The following GALNT13 variants were observed in gnomAD, a reference collection of about 807,000 sequenced individuals.
The protein encoded by GALNT13 is polypeptide N-acetylgalactosaminyltransferase 13, also known as UDP-GalNAc:polypeptide N-acetylgalactosaminyltransferase 13.
GALNT13 carries 28 observed loss-of-function variants against 64.2 expected under a neutral mutation model. The observed-to-expected ratio is 0.44, with a 90% confidence interval of 0.32 to 0.60. The LOEUF (loss-of-function observed/expected upper bound fraction) is 0.60, where lower values mean the gene tolerates loss of function less well. GALNT13 is among the 20% of genes least tolerant of loss of function. The probability of loss-of-function intolerance (pLI) is 0.05; values close to 1 mark genes in which losing one functional copy is unlikely to be tolerated. For missense variants in GALNT13, 577 were observed against 669.8 expected (o/e 0.86, Z 1.53); for synonymous variants, 214 against 224.6 (o/e 0.95, Z 0.42).
chr2:153,852,545 A>C, the GALNT13 span, among the ~76,000 whole-genome samples: 1 of 152,368 alleles, frequency 6.6e-6, no homozygotes, highest in South Asian at 2.1e-4. Flanking sequence ...GAAATAGACA[A>C]ATTTACAAAT....
the GALNT13 span, among the ~76,000 whole-genome samples, chr2:153,807,887 T>C: frequency 6.6e-6 from 1 of 152,128 alleles, no homozygotes; most frequent in African/African-American, 2.4e-5. Context: ...AGGAATTCAG[T>C]TTTAGGCATG....
chr2:153,155,267 A>C, the GALNT13 span, among the ~76,000 whole-genome samples: 10 of 151,792 alleles, frequency 6.6e-5, no homozygotes, highest in Non-Finnish European at 1.2e-4. Flanking sequence ...GTCCCTCCTC[A>C]ATTCTTTGGA....
the GALNT13 span, among the ~76,000 whole-genome samples, chr2:153,630,811 T>TATTTATTA: frequency 3.9e-5 from 1 of 25,842 alleles, no homozygotes; most frequent in Non-Finnish European, 8.1e-5. Flanking sequence ...ATATATATTT[T>TATTTATTA]TTTTTTTTTT....
At chr2:153,119,939 C>G in the GALNT13 span, among the ~76,000 whole-genome samples, 1 of 152,082 alleles carries the variant, frequency 6.6e-6, no homozygotes, top group Non-Finnish European at 1.5e-5. Context: ...TTTATATGCC[C>G]TACATATCCA....
At chr2:153,096,506 C>G in the GALNT13 span, among the ~76,000 whole-genome samples, 1 of 152,230 alleles carries the variant, frequency 6.6e-6, no homozygotes, top group Admixed American at 6.5e-5. Flanking sequence ...CTATTTCTCT[C>G]TTTAGCTCTA....
intron 11 of GALNT13, among the ~76,000 whole-genome samples, chr2:154,424,991 T>C (rs545708006): frequency 1.3e-5 from 2 of 152,306 alleles, no homozygotes; most frequent in South Asian, 4.1e-4. Context: ...AATGCAAGCA[T>C]TGTGGTAATA....
At chr2:153,964,897 A>C (rs1693223258) in intron 3 of GALNT13, among the ~76,000 whole-genome samples, 1 of 152,074 alleles carries the variant, frequency 6.6e-6, no homozygotes, top group African/African-American at 2.4e-5. Context: ...GCCACACAAT[A>C]TTTTATCATA....
intron 3 of GALNT13, among the ~76,000 whole-genome samples, chr2:154,105,921 T>G (rs1702590416): frequency 6.6e-6 from 1 of 152,168 alleles, no homozygotes; most frequent in African/African-American, 2.4e-5. Flanking sequence ...AGCGTATTTC[T>G]GAAAATTAGC....
chr2:153,543,778 T>G, the GALNT13 span, among the ~76,000 whole-genome samples: 2 of 152,244 alleles, frequency 1.3e-5, no homozygotes, highest in Non-Finnish European at 2.9e-5. Flanking sequence ...CTCATTTATA[T>G]TCCTGAGGGG....
the GALNT13 span, among the ~76,000 whole-genome samples, chr2:153,571,509 C>T: frequency 6.6e-6 from 1 of 152,038 alleles, no homozygotes. Flanking sequence ...TGAAAGTGAG[C>T]ATCCTTGTCA....
intron 4 of GALNT13, among the ~76,000 whole-genome samples, chr2:154,174,750 A>T (rs758116949): frequency 1.1e-4 from 16 of 152,180 alleles, no homozygotes; most frequent in Admixed American, 2.6e-4. Context: ...CTGAAGCTTT[A>T]TGAAAATTCA....
chr2:153,271,147 A>T, the GALNT13 span, among the ~76,000 whole-genome samples: 5 of 152,190 alleles, frequency 3.3e-5, no homozygotes, highest in Non-Finnish European at 7.3e-5. Flanking sequence ...TTTATGACAA[A>T]CCCACAGCAA....
chr2:154,076,180 A>G (rs1700979014), intron 3 of GALNT13, among the ~76,000 whole-genome samples: 1 of 151,746 alleles, frequency 6.6e-6, no homozygotes, highest in African/African-American at 2.4e-5. Context: ...CGGCAAATGG[A>G]AAAGGGAGGG....
At chr2:154,079,494 G>A (rs1308033007) in intron 3 of GALNT13, among the ~76,000 whole-genome samples, 3 of 151,490 alleles carry the variant, frequency 2.0e-5, no homozygotes, top group African/African-American at 4.8e-5. Flanking sequence ...TTTATAACAG[G>A]AAACAAAGGA....
the GALNT13 span, among the ~76,000 whole-genome samples, chr2:153,700,245 G>A: frequency 3.7e-4 from 56 of 152,072 alleles, 1 homozygote; most frequent in South Asian, 6.2e-4. Context: ...GACAAAAACC[G>A]CATGATTATC....
the GALNT13 span, among the ~76,000 whole-genome samples, chr2:153,406,610 G>A: frequency 4.6e-5 from 7 of 152,150 alleles, no homozygotes; most frequent in African/African-American, 1.7e-4. Context: ...GTTTTGCCAT[G>A]TTGGCCAGAC....
chr2:153,884,815 GTGTGTATATATA>G (rs1364586387), intron 1 of GALNT13, among the ~76,000 whole-genome samples: 2 of 116,342 alleles, frequency 1.7e-5, no homozygotes, highest in Admixed American at 8.3e-5. Flanking sequence ...ATGTGTGTGT[GTGTGTATATATA>G]TGTGTGTGTG....
intron 9 of GALNT13, among the ~76,000 whole-genome samples, chr2:154,311,190 T>C (rs1694014394): frequency 1.3e-5 from 2 of 152,152 alleles, no homozygotes; most frequent in Non-Finnish European, 1.5e-5. Context: ...TGCATATATA[T>C]GTGTATAGAC....
chr2:154,449,774 T>C (rs1701788874), intron 12 of GALNT13, among the ~76,000 whole-genome samples: 1 of 151,916 alleles, frequency 6.6e-6, no homozygotes, highest in Non-Finnish European at 1.5e-5. Context: ...AAAATATAAA[T>C]ATAATGTTTA....
Sources: gnomAD v4.1 joint callset for allele counts (sites outside exome capture counted in the v4.1 genomes callset) on GRCh38, gnomAD v4.1.1 for gene constraint, MANE v1.5 for transcripts, NCBI Gene and HGNC (gene_info 2026-07-23, HGNC 2026-07-21) for gene names.